TLE1: variants seen among roughly 807,000 people sequenced by gnomAD.
TLE1 encodes the protein TLE family member 1, transcriptional corepressor, also known as transducin-like enhancer protein 1.
In TLE1, 21 loss-of-function variants were observed where a neutral mutation model predicts 89.8. The ratio of observed to expected loss-of-function variants is 0.23; its 90% confidence interval spans 0.17 to 0.34. The LOEUF is 0.34. Ranked by LOEUF, TLE1 falls within the 10% of genes least tolerant of loss-of-function variation. TLE1 has a pLI of 1.00. For missense variants in TLE1, 795 were observed against 1,031.2 expected, an observed-to-expected ratio of 0.77 and a Z score of 3.14; for synonymous variants, 447 against 407.6, an observed-to-expected ratio of 1.10 and a Z score of -1.16.
At chr9:81,634,476 G>A (rs1398188204) in intron 6 of TLE1, among the ~76,000 whole-genome samples, 175 bp from the exon 7 acceptor site, 1 of 143,878 alleles carries the variant, frequency 7.0e-6, no homozygotes, top group Non-Finnish European at 1.5e-5. Context: ...GGGAGGAAAG[G>A]GGAAAAAATG....
At chr9:81,645,307 G>A (rs1310976208) in intron 6 of TLE1, among the ~76,000 whole-genome samples, 1 of 150,986 alleles carries the variant, frequency 6.6e-6, no homozygotes, top group African/African-American at 2.4e-5. Context: ...AGGTTGCAGT[G>A]AGCGCCAAGA....
chr9:81,600,206 T>TA, intron 14 of TLE1: 2 of 647,830 alleles, frequency 3.1e-6, no homozygotes, highest in Non-Finnish European at 5.7e-6. Flanking sequence ...AAAGCTAAAC[T>TA]AAAAAATTCC....
At chr9:81,638,417 A>G (rs1192327763) in intron 6 of TLE1, among the ~76,000 whole-genome samples, 1 of 152,208 alleles carries the variant, frequency 6.6e-6, no homozygotes, top group Non-Finnish European at 1.5e-5. Flanking sequence ...AGAGTAAAAC[A>G]GCTATCTCCA....
chr9:81,688,116 GA>G, intron 1 of TLE1, 100 bp downstream of exon 1: 1 of 1,472,018 alleles, frequency 6.8e-7, no homozygotes, highest in Non-Finnish European at 9.3e-7. Flanking sequence ...CTGAGGGCGA[GA>G]AGGTCCGCCG....
At chr9:81,587,049 C>G (rs1340888750) in intron 17 of TLE1, among the ~76,000 whole-genome samples, 1 of 152,178 alleles carries the variant, frequency 6.6e-6, no homozygotes, top group Non-Finnish European at 1.5e-5. Flanking sequence ...TTTTCCAAAA[C>G]AAGTCTACAT....
At chr9:81,652,110 C>CAT in intron 6 of TLE1, 104 bp downstream of exon 6, 2 of 819,782 alleles carry the variant, frequency 2.4e-6, no homozygotes, top group Non-Finnish European at 1.9e-6. Context: ...TTAAGATACA[C>CAT]ACACACACAC....
intron 6 of TLE1, among the ~76,000 whole-genome samples, chr9:81,649,848 A>G (rs1282255198): frequency 1.3e-5 from 2 of 152,154 alleles, no homozygotes; most frequent in Admixed American, 1.3e-4. Flanking sequence ...TGCTACTTCA[A>G]TTTTCCAGAA....
Position 81,583,946 on chromosome 9 carries a change from G to A in TLE1, c.*252C>T, listed in dbSNP as rs1315797429. On this transcript the variant is annotated 3_prime_UTR_variant, in exon 20 of 20. Coordinates refer to ENST00000376499, the MANE Select transcript of TLE1 (RefSeq NM_005077.5). ...GCTGTCATGTGAGTCGGCAGATTCC[G>A]TTCCTCAATCCTACAACCCATGGCC... 1.5e-5 allele frequency: 7 copies of A among 454,764 alleles called. No homozygotes were observed. Among genetic ancestry groups the A allele is most frequent in the Non-Finnish European group, 2.0e-5 (5 of 250,672 alleles). The allele number at this position is 454,764 out of a possible 1,614,324, so 28.2% of individuals were successfully genotyped here.
At chr9:81,595,679 T>C (rs567468334) in intron 14 of TLE1, among the ~76,000 whole-genome samples, 30 of 151,008 alleles carry the variant, frequency 2.0e-4, no homozygotes, top group East Asian at 2.0e-3. Flanking sequence ...ATCAGCCGGG[T>C]ATGGTGGCGG....
Position 81,610,411 on chromosome 9 carries a change from T to C in TLE1, c.1255-115A>G, listed in dbSNP as rs986952876. 4 of 749,470 alleles carry C rather than the reference T, an allele frequency of 5.3e-6. No homozygotes were observed. In the Admixed American group the frequency reaches 7.3e-5, roughly 14 times the overall value. The allele number at this position is 749,470 out of a possible 1,614,324, so 46.4% of individuals were successfully genotyped here. A position where few individuals can be genotyped will look rare whatever the true frequency, so the allele number is the denominator to read the frequency against. ...CCCAAAGCAACATAAATGGGAACAG[T>C]AACATGGCCTAGTGTTTTTCTTTTT... On this transcript the variant is annotated intron_variant, in intron 13 of 19. Coordinates refer to ENST00000376499, the MANE Select transcript of TLE1 (RefSeq NM_005077.5).
chr9:81,668,975 TG>T (rs1831859856), intron 4 of TLE1, among the ~76,000 whole-genome samples: 1 of 152,216 alleles, frequency 6.6e-6, no homozygotes, highest in Non-Finnish European at 1.5e-5. Context: ...CCATTAATTA[TG>T]TGGGTTCCAG....
chr9:81,618,574 T>C (rs907765316), intron 9 of TLE1, among the ~76,000 whole-genome samples: 1 of 152,196 alleles, frequency 6.6e-6, no homozygotes, highest in Non-Finnish European at 1.5e-5. Flanking sequence ...AACAGTCTAC[T>C]GAAATAAATA....
intron 4 of TLE1, among the ~76,000 whole-genome samples, chr9:81,673,374 T>C (rs574524471): frequency 8.3e-6 from 1 of 120,804 alleles, no homozygotes; most frequent in Non-Finnish European, 1.7e-5. Flanking sequence ...AGGAAAGAAA[T>C]AAAACACGGT....
At chr9:81,662,361 TTGTGTGTGTGTGTGTGTGTGTGTGTG>T (rs371936084) in intron 4 of TLE1, among the ~76,000 whole-genome samples, 8,251 of 138,468 alleles carry the variant, frequency 0.06, 259 homozygotes, top group African/African-American at 0.093. Flanking sequence ...TGTGCCTGTT[TTGTGTGTGTGTGTGTGTGTGTGTGTG>T]TGTGTGTGTG....
chr9:81,587,872 T>G, intron 16 of TLE1, 44 bp from the exon 17 acceptor site: 1 of 1,530,132 alleles, frequency 6.5e-7, no homozygotes, highest in Non-Finnish European at 8.8e-7. Flanking sequence ...CTGCCAGAGC[T>G]CAAGGTAAAC....
chr9:81,648,098 C>T (rs1396413308), intron 6 of TLE1, among the ~76,000 whole-genome samples: 1 of 151,712 alleles, frequency 6.6e-6, no homozygotes, highest in Non-Finnish European at 1.5e-5. Context: ...ATGGTGAAAC[C>T]CTGTCTCTAC....
chr9:81,595,662 CA>C (rs920818760), intron 14 of TLE1, among the ~76,000 whole-genome samples: 10 of 151,738 alleles, frequency 6.6e-5, no homozygotes, highest in Non-Finnish European at 1.3e-4. Flanking sequence ...ACTAAAAATA[CA>C]AAAAAATCAG....
intron 9 of TLE1, 63 bp from the exon 10 acceptor site, chr9:81,616,762 G>C: frequency 6.3e-7 from 1 of 1,587,744 alleles, no homozygotes; most frequent in Non-Finnish European, 8.6e-7. Context: ...GGCACAGTTA[G>C]ATTTCTTTCT....
chr9:81,645,762 A>G (rs1828782455), intron 6 of TLE1, among the ~76,000 whole-genome samples: 1 of 152,110 alleles, frequency 6.6e-6, no homozygotes, highest in Admixed American at 6.5e-5. Flanking sequence ...AATAAAATAA[A>G]ATAAAATAAA....
Sources: gnomAD v4.1 joint callset for allele counts (sites outside exome capture counted in the v4.1 genomes callset) on GRCh38, gnomAD v4.1.1 for gene constraint, MANE v1.5 for transcripts, NCBI Gene and HGNC (gene_info 2026-07-23, HGNC 2026-07-21) for gene names.